SDK2: variants seen among roughly 807,000 people sequenced by gnomAD.
The protein encoded by SDK2 is protein sidekick-2.
A neutral mutation model predicts 253.9 loss-of-function variants in SDK2; 105 were observed. The observed-to-expected ratio is 0.41, with a 90% CI of 0.35 to 0.49. The LOEUF is 0.49. Ranked by LOEUF, SDK2 falls within the 20% of genes least tolerant of loss-of-function variation. The pLI, the probability that SDK2 is intolerant of heterozygous loss-of-function variation, is 0.06. For missense variants in SDK2, 2,608 were observed against 3,003.0 expected, an observed-to-expected ratio of 0.87 and a Z score of 3.07; for synonymous variants, 1,249 against 1,234.9, an observed-to-expected ratio of 1.01 and a Z score of -0.24.
In SDK2 at chr17:73,435,693, C is replaced by A; in HGVS notation, c.1001-49G>T. On this transcript the variant is annotated intron_variant, in intron 8 of 44. Transcript: ENST00000392650. The surrounding 1 kb of genome is among the most constrained non-coding windows in gnomAD (Gnocchi z 5.7). ...CGTCAACCTGCCTCCTGCCTCCTCTCCGCCTAGGAGGGGTGCTTGGGAGGA... is the reference window on the plus strand; with the variant it reads ...CGTCAACCTGCCTCCTGCCTCCTCTACGCCTAGGAGGGGTGCTTGGGAGGA... 2 of 1,482,968 alleles carry A rather than the reference C, an allele frequency of 1.3e-6. No individual in the cohort carries two copies. The highest frequency in any genetic ancestry group is 9.0e-7 in the Non-Finnish European group (1 of 1,105,746). 91.9% of individuals were successfully genotyped at this position (1,482,968 alleles called of 1,614,324 possible).
chr17:73,455,965 G>A lies in SDK2; in HGVS notation c.420C>T (p.Phe140=). ...AVIRAPRIAS[F]PQPQVTWFRD... ...GGAACCAGGTCACCTGTGGCTGGGG[G>A]AAGCTGGCGATGCGCGGGGCACGGA... Residue 140 remains phenylalanine, a synonymous_variant, in exon 4 of 45, where the codon TTC becomes TTT. Transcript: ENST00000392650. This position sits in a 1 kb window ranked among gnomAD's most constrained non-coding sequence, Gnocchi z 5.0. 1 of 1,548,726 alleles carries A rather than the reference G, an allele frequency of 6.5e-7. No homozygotes were observed. The highest frequency in any genetic ancestry group is 8.7e-7 in the Non-Finnish European group (1 of 1,146,292).
intron 1 of SDK2, among the ~76,000 whole-genome samples, chr17:73,597,324 A>C (rs981762057): frequency 6.6e-6 from 1 of 152,170 alleles, no homozygotes; most frequent in African/African-American, 2.4e-5. Context: ...GGGCACAAGA[A>C]ACCTGTGACC....
chr17:73,526,436 T>C (rs1318487262), intron 1 of SDK2, among the ~76,000 whole-genome samples: 1 of 152,160 alleles, frequency 6.6e-6, no homozygotes, highest in Non-Finnish European at 1.5e-5. Flanking sequence ...GTGGGAATAA[T>C]GTATTAATAT....
intron 1 of SDK2, among the ~76,000 whole-genome samples, chr17:73,524,163 C>T (rs111680123): frequency 3.3e-5 from 5 of 152,322 alleles, no homozygotes; most frequent in African/African-American, 1.2e-4. Context: ...GACAGCTGCT[C>T]TGCAGTTGGG....
rs755128780 is a variant in SDK2, at chr17:73,390,388, C to T, written c.4091G>A (p.Gly1364Asp). The T allele has an allele frequency of 1.2e-5, 20 of 1,607,386 alleles. No individual in the cohort carries two copies. The highest frequency in any genetic ancestry group is 9.3e-5 in the African/African-American group (7 of 74,968). ...CAGGTAGACAGACTCTGGCTTGAGG[C>T]CCGTGGCTGTGTACTGCCGGGCGCT... ...APSARQYTAT[G>D]LKPESVYLFR... is the part of the protein sequence containing the mutation. The change falls in exon 29 of 45, where the codon GGC becomes GAC. Residue 1364 changes from glycine (G) to aspartate (D), a missense_variant. Gly to Asp is a moderately conservative substitution (Grantham distance 94, BLOSUM62 -1). Around this residue, in one of 2 missense-constraint regions of SDK2, gnomAD observed 1,103 missense variants for 1,143.9 expected, o/e 0.96. Transcript: ENST00000392650.
intron 1 of SDK2, among the ~76,000 whole-genome samples, chr17:73,614,451 G>A (rs2046021822): frequency 6.6e-6 from 1 of 151,270 alleles, no homozygotes; most frequent in Non-Finnish European, 1.5e-5. Context: ...ATGACTGTGA[G>A]TCAGGCTAGA....
At chr17:73,480,750 CAAAG>C (rs1008801777) in intron 2 of SDK2, among the ~76,000 whole-genome samples, 8 of 151,910 alleles carry the variant, frequency 5.3e-5, no homozygotes, top group African/African-American at 1.9e-4. Flanking sequence ...GAGAAAGAGA[CAAAG>C]AGAGACAGGG....
chr17:73,469,319 A>C (rs560687356), intron 3 of SDK2, among the ~76,000 whole-genome samples: 1 of 152,290 alleles, frequency 6.6e-6, no homozygotes, highest in African/African-American at 2.4e-5. Flanking sequence ...AGCATCACCC[A>C]GGGTGGTCCA....
chr17:73,416,039 G>A (rs1265225518), intron 16 of SDK2, 47 bp from the exon 17 acceptor site: 3 of 1,543,898 alleles, frequency 1.9e-6, no homozygotes, highest in Non-Finnish European at 2.6e-6. Context: ...CAGCTTCCTT[G>A]GCCTCGTACC....
chr17:73,521,505 TC>T (rs1471493968), intron 1 of SDK2: 1 of 152,274 alleles, frequency 6.6e-6, no homozygotes, highest in Non-Finnish European at 1.5e-5. Context: ...GGTGCTGTGC[TC>T]CTTCCTGTGC....
chr17:73,572,174 T>C (rs2045398029), intron 1 of SDK2, among the ~76,000 whole-genome samples: 1 of 152,174 alleles, frequency 6.6e-6, no homozygotes, highest in Non-Finnish European at 1.5e-5. Flanking sequence ...CACAAAATCC[T>C]GTTGAGGGTC....
chr17:73,409,862 T>TC (rs1555763812), intron 18 of SDK2, among the ~76,000 whole-genome samples: 7 of 151,660 alleles, frequency 4.6e-5, no homozygotes, highest in Non-Finnish European at 1.0e-4. Flanking sequence ...TGTCTCTCTC[T>TC]TTCTTTTTTT....
intron 28 of SDK2, 62 bp from the exon 29 acceptor site, chr17:73,390,543 G>T: frequency 6.6e-7 from 1 of 1,508,458 alleles, no homozygotes. Flanking sequence ...AGGGCCCCGG[G>T]AAGGGTTGTT....
At chr17:73,542,014 A>G (rs2044876512) in intron 1 of SDK2, among the ~76,000 whole-genome samples, 1 of 152,232 alleles carries the variant, frequency 6.6e-6, no homozygotes, top group South Asian at 2.1e-4. Context: ...CAAGGATTAA[A>G]TAAAACAGCA....
Position 73,379,694 on chromosome 17 carries a change from A to T in SDK2, c.4763-145T>A. 1 of 608,966 alleles carries T rather than the reference A, an allele frequency of 1.6e-6. No homozygotes were observed. Among genetic ancestry groups the T allele is most frequent in the South Asian group, 2.0e-5 (1 of 49,106 alleles). The allele number at this position is 608,966 out of a possible 1,614,324, so 37.7% of individuals were successfully genotyped here. ...CCTCTGTGAAGGTGCATGAAGGAGG[A>T]GGTGAGAGGCGGGGCCCCCAGGGGA... On this transcript the variant is annotated intron_variant, in intron 34 of 44. Transcript: ENST00000392650. The surrounding 1 kb of genome is among the most constrained non-coding windows in gnomAD (Gnocchi z 4.5).
chr17:73,562,552 G>A (rs1342699063), intron 1 of SDK2, among the ~76,000 whole-genome samples: 1 of 152,176 alleles, frequency 6.6e-6, no homozygotes, highest in African/African-American at 2.4e-5. Context: ...AAAGAAGAGA[G>A]AGAGACAGGA....
chr17:73,527,652 C>T (rs913837520), intron 1 of SDK2, among the ~76,000 whole-genome samples: 1 of 152,194 alleles, frequency 6.6e-6, no homozygotes, highest in Non-Finnish European at 1.5e-5. Flanking sequence ...ACATTGCCAG[C>T]CTGGCAGTTT....
At chr17:73,623,430 G>A (rs1419228015) in intron 1 of SDK2, among the ~76,000 whole-genome samples, 2 of 152,168 alleles carry the variant, frequency 1.3e-5, no homozygotes, top group Non-Finnish European at 2.9e-5. Flanking sequence ...TAGAGGAATA[G>A]AAAAGCCTGG....
chr17:73,411,276 C>T (rs112694362), intron 18 of SDK2, among the ~76,000 whole-genome samples: 3 of 152,230 alleles, frequency 2.0e-5, no homozygotes, highest in Admixed American at 6.5e-5. Context: ...AGAAACTCCT[C>T]TTCATTATTT....
Sources: allele counts gnomAD v4.1 joint callset (sites outside exome capture counted in the v4.1 genomes callset), GRCh38; gene constraint gnomAD v4.1.1; regional missense constraint gnomAD v4.1.1; non-coding constraint Gnocchi (gnomAD v3.1); transcripts MANE v1.5; gene names NCBI Gene and HGNC (gene_info 2026-07-23, HGNC 2026-07-21).